Variants in TIMM23 observed in about 807,000 individuals in gnomAD.
The protein encoded by TIMM23 is translocase of inner mitochondrial membrane 23, also known as mitochondrial import inner membrane translocase subunit Tim23.
In TIMM23, 19 loss-of-function variants were observed where a neutral mutation model predicts 30.7. The observed-to-expected ratio is 0.62, with a 90% confidence interval of 0.43 to 0.91. The LOEUF (loss-of-function observed/expected upper bound fraction) is 0.91. Ranked by LOEUF, TIMM23 falls within the 40% of genes least tolerant of loss-of-function variation. TIMM23 has a pLI of 0.00. For synonymous variants in TIMM23, 78 were observed against 98.5 expected, an observed-to-expected ratio of 0.79 and a Z score of 1.23; for missense variants, 202 against 269.2, an observed-to-expected ratio of 0.75 and a Z score of 1.75.
chr10:45,975,423 G>A (rs1837640801), intron 1 of TIMM23, 31 bp from the exon 2 acceptor site: 18 of 1,613,160 alleles, frequency 1.1e-5, no homozygotes, highest in Non-Finnish European at 1.4e-5. Context: ...AAAGAATTTT[G>A]TTGCAATGTG....
At chr10:45,975,747 C>A (rs1391730644) in intron 2 of TIMM23, among the ~76,000 whole-genome samples, 4 of 152,234 alleles carry the variant, frequency 2.6e-5, no homozygotes, top group Admixed American at 2.6e-4. Context: ...TTTGAAAGCA[C>A]CCCAATAAAA....
chr10:45,979,045 G>T (rs1158764675), intron 2 of TIMM23, among the ~76,000 whole-genome samples: 3 of 152,314 alleles, frequency 2.0e-5, no homozygotes, highest in East Asian at 1.9e-4. Flanking sequence ...ACCACATATT[G>T]TGTGGTTCCA....
rs782653346 is a variant in TIMM23 at position 45,972,690 on chromosome 10, C to A, written c.66C>A (p.Gly22=). 1 of 1,613,852 alleles carries A rather than the reference C, an allele frequency of 6.2e-7. No individual in the cohort carries two copies. Among genetic ancestry groups the A allele is most frequent in the South Asian group, 1.1e-5 (1 of 91,082 alleles). Residue 22 remains glycine (G), a synonymous_variant, in exon 1 of 7, where the codon GGC becomes GGA. Transcript: ENST00000580018. ...GATTGGCCGGCTTTTTCGGAGCCGGCGGAGCAGGTTACTCGCACGCGGATT... is the reference window on the plus strand; with the variant it reads ...GATTGGCCGGCTTTTTCGGAGCCGGAGGAGCAGGTTACTCGCACGCGGATT... The part of the protein sequence containing the change: ...TGGLAGFFGA[G]GAGYSHADLA...
At chr10:46,000,930 G>C (rs868916079) in intron 6 of TIMM23, among the ~76,000 whole-genome samples, 1 of 152,208 alleles carries the variant, frequency 6.6e-6, no homozygotes, top group South Asian at 2.1e-4. Flanking sequence ...ATGGGGTTTT[G>C]AGTTACTACA....
In TIMM23 at chr10:45,987,794, T is replaced by C. The variant is rs1554915002; in HGVS notation, c.404-943T>C. Among the ~76,000 whole-genome samples, 380 of 151,938 alleles carry C rather than the reference T, an allele frequency of 2.5e-3. 4 individuals are homozygous for C. In the East Asian group the frequency reaches 0.034, roughly 14 times the overall value. ...CCATACCAACTAATTTTTTTTTAAATTTTTTTAGAGAAGGGGGTATCCCTA... is the reference window on the plus strand; with the variant it reads ...CCATACCAACTAATTTTTTTTTAAACTTTTTTAGAGAAGGGGGTATCCCTA... On this transcript the variant is annotated intron_variant, in intron 5 of 6. Transcript: ENST00000580018.
At chr10:46,001,170 A>T (rs545919427) in intron 6 of TIMM23, among the ~76,000 whole-genome samples, 6 of 152,216 alleles carry the variant, frequency 3.9e-5, no homozygotes, top group African/African-American at 1.4e-4. Context: ...GATTATTTTG[A>T]GTATACACTA....
chr10:45,996,242 G>A (rs1277364287), intron 6 of TIMM23, among the ~76,000 whole-genome samples: 1 of 143,724 alleles, frequency 7.0e-6, no homozygotes, highest in East Asian at 2.0e-4. Flanking sequence ...GGTGCCTGTA[G>A]TCCCAGCTAC....
chr10:45,993,557 G>T (rs1291111580), intron 6 of TIMM23, among the ~76,000 whole-genome samples: 1 of 152,078 alleles, frequency 6.6e-6, no homozygotes, highest in Non-Finnish European at 1.5e-5. Flanking sequence ...GTCTCAGAAT[G>T]AAATGATGTG....
intron 2 of TIMM23, among the ~76,000 whole-genome samples, chr10:45,978,534 A>G (rs1837745153): frequency 6.6e-6 from 1 of 152,242 alleles, no homozygotes; most frequent in Non-Finnish European, 1.5e-5. Context: ...ACAGATGTCT[A>G]ATAATGACAT....
chr10:45,986,981 C>G (rs1260665530), intron 5 of TIMM23, among the ~76,000 whole-genome samples: 1 of 152,282 alleles, frequency 6.6e-6, no homozygotes, highest in South Asian at 2.1e-4. Context: ...CATAGCCAGT[C>G]AGTCGTGTAC....
At chr10:45,985,493 TATC>T (rs1336922162) in intron 5 of TIMM23, 52 bp downstream of exon 5, 61 of 1,601,214 alleles carry the variant, frequency 3.8e-5, no homozygotes, top group Middle Eastern at 3.3e-4. Flanking sequence ...AATGCACAAA[TATC>T]ATGAACAATT....
intron 1 of TIMM23, among the ~76,000 whole-genome samples, chr10:45,973,208 CCTT>C (rs372336736): frequency 7.9e-5 from 12 of 152,006 alleles, no homozygotes; most frequent in South Asian, 4.1e-4. Flanking sequence ...GGCTAGGAAA[CCTT>C]CTTTAGGAGC....
chr10:45,994,818 T>C (rs1317899557), intron 6 of TIMM23, among the ~76,000 whole-genome samples: 1 of 152,088 alleles, frequency 6.6e-6, no homozygotes, highest in Non-Finnish European at 1.5e-5. Context: ...GGATTAGCCA[T>C]TCCCTAAATG....
At chr10:45,992,067 A>G (rs1337541400) in intron 6 of TIMM23, among the ~76,000 whole-genome samples, 25 of 152,026 alleles carry the variant, frequency 1.6e-4, no homozygotes, top group Admixed American at 4.6e-4. Flanking sequence ...CCTGGGCTCA[A>G]GGGATCCTCT....
intron 6 of TIMM23, among the ~76,000 whole-genome samples, chr10:45,997,052 C>G (rs1554916854): frequency 1.3e-5 from 2 of 151,214 alleles, no homozygotes; most frequent in Non-Finnish European, 2.9e-5. Flanking sequence ...TGGAGACTAG[C>G]CTGGACAACA....
chr10:45,981,613 A>T (rs1554914086), intron 2 of TIMM23, among the ~76,000 whole-genome samples: 14 of 152,116 alleles, frequency 9.2e-5, no homozygotes. Flanking sequence ...TTAGGAATAC[A>T]ATTTTCTGAA....
intron 1 of TIMM23, 100 bp downstream of exon 1, chr10:45,972,830 C>G (rs1173001578): frequency 6.5e-7 from 1 of 1,544,076 alleles, no homozygotes; most frequent in Admixed American, 2.0e-5. Context: ...TTTTTCCTTG[C>G]TGGCATTTAC....
chr10:45,980,056 C>A (rs1478943958), intron 2 of TIMM23, among the ~76,000 whole-genome samples: 5 of 150,930 alleles, frequency 3.3e-5, no homozygotes, highest in Admixed American at 6.6e-5. Context: ...ATTTAATCTT[C>A]CATTGGAATT....
At chr10:45,981,883 A>G (rs1358781361) in intron 2 of TIMM23, among the ~76,000 whole-genome samples, 2 of 152,108 alleles carry the variant, frequency 1.3e-5, no homozygotes, top group African/African-American at 4.8e-5. Context: ...AAAATTGGTA[A>G]CCATATTTTG....
Sources: allele counts gnomAD v4.1 joint callset (sites outside exome capture counted in the v4.1 genomes callset), GRCh38; gene constraint gnomAD v4.1.1; transcripts MANE v1.5; gene names NCBI Gene and HGNC (gene_info 2026-07-23, HGNC 2026-07-21).